The following TOX3 variants were observed in gnomAD, a reference collection of about 807,000 sequenced individuals.
The protein encoded by TOX3 is TOX high mobility group box family member 3.
A neutral mutation model predicts 64.3 loss-of-function variants in TOX3; 22 were observed. The observed-to-expected ratio is 0.34, with a 90% CI of 0.24 to 0.49. The LOEUF (loss-of-function observed/expected upper bound fraction) is 0.49, where lower values mean the gene tolerates loss of function less well. Among genes scored for constraint, TOX3 ranks in the 20% least tolerant of loss-of-function variants. The pLI, the probability that TOX3 is intolerant of heterozygous loss-of-function variation, is 0.99. For missense variants in TOX3, 661 were observed against 714.4 expected (o/e 0.93, Z 0.85); for synonymous variants, 291 against 273.6 (o/e 1.06, Z -0.63).
At chr16:52,533,309 C>T (rs1203274655) in intron 1 of TOX3, among the ~76,000 whole-genome samples, 1 of 152,192 alleles carries the variant, frequency 6.6e-6, no homozygotes, top group East Asian at 1.9e-4. Context: ...TTATCCACAT[C>T]CCCATGTGCC....
At position 52,444,499 on chromosome 16, in the gene TOX3, G is replaced by GCACACACACA. The variant is rs200173557; in HGVS notation, c.907-153_907-144dup. ...CTTTGATTTTTAAATGTTAGCGCAT[G>GCACACACACA]CACACACACACACACACACACACAC... On this transcript the variant is annotated intron_variant, in intron 5 of 6. Coordinates refer to ENST00000219746, the MANE Select transcript of TOX3 (RefSeq NM_001080430.4). 3,163 of 380,698 alleles carry GCACACACACA rather than the reference G, an allele frequency of 8.3e-3. 44 individuals carry two copies. Among genetic ancestry groups the GCACACACACA allele is most frequent in the African/African-American group, 0.041 (1,818 of 44,810 alleles). 23.6% of individuals were successfully genotyped at this position (380,698 alleles called of 1,614,324 possible).
At chr16:52,540,946 C>A (rs989740439) in intron 1 of TOX3, among the ~76,000 whole-genome samples, 2 of 152,116 alleles carry the variant, frequency 1.3e-5, no homozygotes, top group Non-Finnish European at 2.9e-5. Flanking sequence ...ATGGTTTATG[C>A]CACCATTTGT....
intron 1 of TOX3, among the ~76,000 whole-genome samples, chr16:52,523,608 A>C (rs538822663): frequency 6.6e-6 from 1 of 152,238 alleles, no homozygotes; most frequent in Non-Finnish European, 1.5e-5. Context: ...AAAGACTGAC[A>C]GGGAACCAAA....
chr16:52,471,814 C>A (rs1961053836), intron 1 of TOX3, among the ~76,000 whole-genome samples: 1 of 152,200 alleles, frequency 6.6e-6, no homozygotes. Flanking sequence ...ATTTTCCCAA[C>A]ACCCAGTAAG....
intron 1 of TOX3, among the ~76,000 whole-genome samples, chr16:52,537,556 G>A (rs547306136): frequency 6.6e-6 from 1 of 152,222 alleles, no homozygotes; most frequent in South Asian, 2.1e-4. Flanking sequence ...CGTTTCAATG[G>A]ACTTTGCTTT....
intron 3 of TOX3, among the ~76,000 whole-genome samples, chr16:52,455,364 A>T (rs1230480966): frequency 6.6e-6 from 1 of 152,130 alleles, no homozygotes; most frequent in Non-Finnish European, 1.5e-5. Context: ...ACTAGATACC[A>T]GTAGCCGCCC....
chr16:52,496,882 A>G (rs1261006129), intron 1 of TOX3, among the ~76,000 whole-genome samples: 1 of 151,070 alleles, frequency 6.6e-6, no homozygotes, highest in Non-Finnish European at 1.5e-5. Context: ...AAAACAGAAA[A>G]TACATATTTA....
chr16:52,445,909 A>G, intron 5 of TOX3, 85 bp downstream of exon 5: 1 of 1,252,336 alleles, frequency 8.0e-7, no homozygotes. Context: ...ATATTAAGTG[A>G]ACACATGCAC....
intron 1 of TOX3, among the ~76,000 whole-genome samples, chr16:52,516,707 T>G (rs1157468829): frequency 6.6e-6 from 1 of 152,170 alleles, no homozygotes; most frequent in African/African-American, 2.4e-5. Context: ...TAAATGAATA[T>G]GCATATCATA....
chr16:52,441,364 A>G (rs1170607333), intron 6 of TOX3, among the ~76,000 whole-genome samples: 1 of 152,206 alleles, frequency 6.6e-6, no homozygotes, highest in Non-Finnish European at 1.5e-5. Flanking sequence ...AGATTTGTAG[A>G]ATTTATCAAA....
chr16:52,501,123 G>C (rs1303727214), intron 1 of TOX3, among the ~76,000 whole-genome samples: 1 of 152,092 alleles, frequency 6.6e-6, no homozygotes, highest in African/African-American at 2.4e-5. Context: ...TATGATACAG[G>C]TACAATCACT....
intron 1 of TOX3, among the ~76,000 whole-genome samples, chr16:52,545,634 A>T (rs555939447): frequency 2.0e-5 from 3 of 152,236 alleles, no homozygotes; most frequent in African/African-American, 7.2e-5. Flanking sequence ...AGGGAGGAGC[A>T]GGAGGAAGGG....
In TOX3 at chr16:52,455,859, G is replaced by A. The variant is rs1259462016; in HGVS notation, c.409-5313C>T. Among the ~76,000 whole-genome samples the A allele has an allele frequency of 5.3e-5, 8 of 152,312 alleles. 2 individuals carry two copies. In the South Asian group the frequency reaches 1.2e-3, roughly 24 times the overall value. ...GCAAGGTAAAGGGTGAAATGCAATA[G>A]GCTTGGAGAGACTGGCCTCATTGTG... On this transcript the variant is annotated intron_variant, in intron 3 of 6. Coordinates refer to ENST00000219746, the MANE Select transcript of TOX3 (RefSeq NM_001080430.4).
intron 1 of TOX3, among the ~76,000 whole-genome samples, chr16:52,536,676 T>TATATATATACAC (rs1555488494): frequency 1.3e-5 from 1 of 78,386 alleles, no homozygotes; most frequent in South Asian, 4.1e-4. Context: ...TATATATATA[T>TATATATATACAC]ACATGTGTAT....
intron 1 of TOX3, among the ~76,000 whole-genome samples, chr16:52,534,294 T>C (rs181631071): frequency 2.6e-4 from 39 of 152,118 alleles, no homozygotes; most frequent in Middle Eastern, 6.8e-3. Context: ...GGAGATTAGG[T>C]AGTAGTGGCA....
chr16:52,499,449 G>GACAA (rs764559573), intron 1 of TOX3, among the ~76,000 whole-genome samples: 1 of 152,056 alleles, frequency 6.6e-6, no homozygotes, highest in Admixed American at 6.5e-5. Context: ...ATAAATACAA[G>GACAA]ACAAACAAAC....
chr16:52,544,937 A>C (rs1053368303), intron 1 of TOX3, among the ~76,000 whole-genome samples: 2 of 152,218 alleles, frequency 1.3e-5, no homozygotes, highest in Non-Finnish European at 2.9e-5. Context: ...GAGTTACATT[A>C]GGCAAGGTAA....
At position 52,442,809 on chromosome 16, in the gene TOX3, C is replaced by T. The variant is rs191001766; in HGVS notation, c.987+1467G>A. On this transcript the variant is annotated intron_variant, in intron 6 of 6. Transcript: ENST00000219746. ...GAATTAAAAAACAAACAAACCAAAC[C>T]CTAGTATTTTAAATTTATTCCTTCT... Among the ~76,000 whole-genome samples the T allele has an allele frequency of 1.2e-3, 188 of 152,206 alleles. 1 individual carries two copies. Among genetic ancestry groups the T allele is most frequent in the African/African-American group, 4.4e-3 (181 of 41,518 alleles).
chr16:52,466,239 C>A (rs1960860504), intron 2 of TOX3, among the ~76,000 whole-genome samples: 1 of 152,042 alleles, frequency 6.6e-6, no homozygotes, highest in South Asian at 2.1e-4. Context: ...AATATTATTT[C>A]AATAAATATT....
Sources: gnomAD v4.1 joint callset for allele counts (sites outside exome capture counted in the v4.1 genomes callset) on GRCh38, gnomAD v4.1.1 for gene constraint, MANE v1.5 for transcripts, NCBI Gene and HGNC (gene_info 2026-07-23, HGNC 2026-07-21) for gene names.